The following NEBL variants were observed in gnomAD, a reference collection of about 807,000 sequenced individuals.
The protein encoded by NEBL is nebulette, also known as LIM and SH3 protein 2.
Under a neutral mutation model 140.2 loss-of-function variants are expected in NEBL, and 122 were observed. The observed-to-expected ratio is 0.87, with a 90% CI of 0.75 to 1.01. The LOEUF is 1.01. Among genes scored for constraint, NEBL ranks in the 50% least tolerant of loss-of-function variants. The pLI is 0.00. For synonymous variants in NEBL, 436 were observed against 398.9 expected, an observed-to-expected ratio of 1.09 and a Z score of -1.11; for missense variants, 1,365 against 1,231.3, an observed-to-expected ratio of 1.11 and a Z score of -1.62.
intron 4 of NEBL, among the ~76,000 whole-genome samples, chr10:20,935,191 G>T (rs372694440): frequency 6.6e-6 from 1 of 152,128 alleles, no homozygotes; most frequent in African/African-American, 2.4e-5. Flanking sequence ...AAGTCACCCC[G>T]AGGAAGCATC....
chr10:20,854,413 G>A (rs1022955597), intron 9 of NEBL, among the ~76,000 whole-genome samples: 3 of 152,128 alleles, frequency 2.0e-5, no homozygotes, highest in Non-Finnish European at 4.4e-5. Context: ...CTTTCTAGTG[G>A]GACAAAGCAA....
chr10:21,056,142 T>C (rs1349014600), intron 2 of NEBL, among the ~76,000 whole-genome samples: 1 of 152,224 alleles, frequency 6.6e-6, no homozygotes, highest in East Asian at 1.9e-4. Flanking sequence ...AGGATGATTA[T>C]CTGCTTTTAA....
At chr10:21,231,907 A>C (rs1211049583) in intron 3 of NEBL, among the ~76,000 whole-genome samples, 1 of 152,136 alleles carries the variant, frequency 6.6e-6, no homozygotes, top group Non-Finnish European at 1.5e-5. Context: ...GCATGGCAGG[A>C]TGGGAGGCCA....
At chr10:20,802,662 C>T (rs538631195) in intron 26 of NEBL, among the ~76,000 whole-genome samples, 1 of 152,192 alleles carries the variant, frequency 6.6e-6, no homozygotes, top group South Asian at 2.1e-4. Flanking sequence ...CTCATGAAAA[C>T]CAAATGTGAA....
At chr10:21,291,526 G>A (rs1409576671) in intron 1 of NEBL, among the ~76,000 whole-genome samples, 2 of 147,232 alleles carry the variant, frequency 1.4e-5, no homozygotes, top group African/African-American at 2.5e-5. Context: ...AAAAGAAGAA[G>A]AAGAAGCCTA....
At chr10:21,048,323 G>C (rs959258859) in intron 2 of NEBL, among the ~76,000 whole-genome samples, 4 of 151,974 alleles carry the variant, frequency 2.6e-5, no homozygotes, top group African/African-American at 9.7e-5. Flanking sequence ...GCATGCTGGG[G>C]AAACACGGCT....
chr10:21,047,351 G>T (rs983725900), intron 2 of NEBL, among the ~76,000 whole-genome samples: 3 of 152,186 alleles, frequency 2.0e-5, no homozygotes, highest in African/African-American at 7.2e-5. Context: ...TGTGCCCTAG[G>T]ACAGTATCCA....
At chr10:21,224,525 AT>A (rs998010926) in intron 3 of NEBL, among the ~76,000 whole-genome samples, 2 of 151,314 alleles carry the variant, frequency 1.3e-5, no homozygotes, top group Admixed American at 6.6e-5. Context: ...ACATTTTAAG[AT>A]TTTTTTTTCT....
intron 2 of NEBL, among the ~76,000 whole-genome samples, chr10:21,096,488 AGTGTGTGTGT>A (rs10541564): frequency 2.6e-4 from 37 of 141,576 alleles, no homozygotes; most frequent in Middle Eastern, 3.6e-3. Context: ...CTTGGTTTTG[AGTGTGTGTGT>A]GTGTGTGTGT....
At chr10:20,925,341 C>T (rs898503372) in intron 4 of NEBL, among the ~76,000 whole-genome samples, 6 of 152,032 alleles carry the variant, frequency 3.9e-5, no homozygotes, top group Non-Finnish European at 8.8e-5. Context: ...ATATTTGTAT[C>T]AACATTAGGA....
At chr10:21,050,223 C>T (rs1834712688) in intron 2 of NEBL, among the ~76,000 whole-genome samples, 1 of 152,202 alleles carries the variant, frequency 6.6e-6, no homozygotes, top group African/African-American at 2.4e-5. Context: ...TAAATTCTTA[C>T]TTTCTGATTT....
intron 2 of NEBL, chr10:21,110,744 G>A (rs1837964677): frequency 1.6e-5 from 8 of 502,582 alleles, no homozygotes; most frequent in South Asian, 6.0e-5. Context: ...AAAGATTATC[G>A]CTTTAAAGTG....
intron 2 of NEBL, chr10:21,125,735 C>T (rs761395255): frequency 2.5e-5 from 24 of 971,936 alleles, no homozygotes; most frequent in Non-Finnish European, 3.5e-5. Context: ...GTCACATGTG[C>T]TCCACAGGGC....
intron 3 of NEBL, among the ~76,000 whole-genome samples, chr10:21,231,829 A>C (rs1016533676): frequency 6.6e-6 from 1 of 152,092 alleles, no homozygotes; most frequent in African/African-American, 2.4e-5. Context: ...TACGCCCTCC[A>C]ACCATGGAAC....
chr10:20,880,755 A>AC (rs1845943736), intron 5 of NEBL, 39 bp downstream of exon 5: 2 of 1,452,776 alleles, frequency 1.4e-6, no homozygotes, highest in Admixed American at 3.3e-5. Flanking sequence ...TGACTTAACT[A>AC]CAGTTCGCTA....
chr10:21,283,260 CAAAT>C (rs1262649213), intron 1 of NEBL, among the ~76,000 whole-genome samples: 2 of 152,016 alleles, frequency 1.3e-5, no homozygotes, highest in Non-Finnish European at 1.5e-5. Context: ...TGACGGTTTA[CAAAT>C]AAATGCCATG....
intron 3 of NEBL, among the ~76,000 whole-genome samples, chr10:20,982,351 G>A (rs958370123): frequency 6.6e-6 from 1 of 150,996 alleles, no homozygotes; most frequent in African/African-American, 2.5e-5. Flanking sequence ...CTCAATTTCA[G>A]CAAGGGTATC....
chr10:21,076,197 C>G (rs935813374), intron 2 of NEBL, among the ~76,000 whole-genome samples: 1 of 151,980 alleles, frequency 6.6e-6, no homozygotes, highest in Non-Finnish European at 1.5e-5. Flanking sequence ...AATCCCAGCA[C>G]TTTAGGAGGC....
At chr10:21,216,426 C>T (rs997726182) in intron 3 of NEBL, among the ~76,000 whole-genome samples, 6 of 151,998 alleles carry the variant, frequency 3.9e-5, no homozygotes, top group African/African-American at 1.2e-4. Flanking sequence ...GAGGCCCAGG[C>T]GGGAAGATCA....
Sources: allele counts gnomAD v4.1 joint callset (sites outside exome capture counted in the v4.1 genomes callset), GRCh38; gene constraint gnomAD v4.1.1; transcripts MANE v1.5; gene names NCBI Gene and HGNC (gene_info 2026-07-23, HGNC 2026-07-21).